YEATS2: variants seen among roughly 807,000 people sequenced by gnomAD.
YEATS2 encodes the protein YEATS domain-containing protein 2.
Under a neutral mutation model 163.2 loss-of-function variants are expected in YEATS2, and 77 were observed. The observed-to-expected ratio is 0.47, with a 90% CI of 0.39 to 0.57. The LOEUF (loss-of-function observed/expected upper bound fraction) is 0.57. Ranked by LOEUF, YEATS2 falls within the 20% of genes least tolerant of loss-of-function variation. The pLI, the probability that YEATS2 is intolerant of heterozygous loss-of-function variation, is 0.00. For synonymous variants in YEATS2, 631 were observed against 645.1 expected (o/e 0.98, Z 0.33); for missense variants, 1,549 against 1,729.8 (o/e 0.90, Z 1.85).
chr3:183,762,235 C>A lies in YEATS2; in HGVS notation c.1903C>A (p.Pro635Thr), dbSNP rs557324797. Residue 635 changes from proline to threonine, a missense_variant, in exon 15 of 31, where the codon CCT becomes ACT. Transcript: ENST00000305135. ...AVSPQKQVIT[P>T]GEGIAQSAKV... ...GTCCCCTCAAAAACAGGTCATAACT[C>A]CTGGAGAAGGGATTGCCCAGTCAGC... is the stretch of plus-strand genomic sequence containing the variant. 135 of 1,611,376 alleles carry A rather than the reference C, an allele frequency of 8.4e-5. 1 individual carries two copies. In the South Asian group the frequency reaches 1.3e-3, roughly 16 times the overall value.
chr3:183,705,748 C>T (rs1487096711), intron 1 of YEATS2, among the ~76,000 whole-genome samples: 1 of 151,998 alleles, frequency 6.6e-6, no homozygotes, highest in East Asian at 1.9e-4. Flanking sequence ...TTAGTTAATC[C>T]TTCATTTATG....
intron 6 of YEATS2, among the ~76,000 whole-genome samples, chr3:183,725,406 A>G (rs1247549186): frequency 1.3e-5 from 2 of 152,184 alleles, no homozygotes; most frequent in African/African-American, 2.4e-5. Flanking sequence ...TTGCCATTGT[A>G]TTAGTCTGTT....
intron 21 of YEATS2, chr3:183,793,413 T>C: frequency 9.8e-7 from 1 of 1,022,972 alleles, no homozygotes; most frequent in South Asian, 3.8e-5. Context: ...TGTTCTCTAC[T>C]AACTGTTTTA....
chr3:183,754,102 G>T (rs140635077), intron 10 of YEATS2, 24 bp from the exon 11 acceptor site: 4 of 1,511,796 alleles, frequency 2.6e-6, no homozygotes, highest in Non-Finnish European at 3.6e-6. Flanking sequence ...ATGACTTGCC[G>T]TTTGCCTCTT....
chr3:183,785,488 CA>C (rs146941322), intron 19 of YEATS2, among the ~76,000 whole-genome samples: 1,175 of 52,280 alleles, frequency 0.022, 4 homozygotes, highest in African/African-American at 0.036. Flanking sequence ...GACTCTGTCT[CA>C]AAAAAAAAAA....
chr3:183,737,287 T>C (rs548651622), intron 8 of YEATS2, among the ~76,000 whole-genome samples: 1 of 152,270 alleles, frequency 6.6e-6, no homozygotes, highest in Non-Finnish European at 1.5e-5. Context: ...TTCAAACCCA[T>C]GTTCAAAGGT....
intron 21 of YEATS2, among the ~76,000 whole-genome samples, chr3:183,796,924 T>G (rs1037419993): frequency 6.6e-6 from 1 of 152,102 alleles, no homozygotes; most frequent in Non-Finnish European, 1.5e-5. Flanking sequence ...TTCATGGTTG[T>G]GGGACGAGGA....
chr3:183,803,383 C>A (rs372674239), intron 26 of YEATS2, 48 bp downstream of exon 26: 1 of 1,509,538 alleles, frequency 6.6e-7, no homozygotes, highest in East Asian at 2.3e-5. Context: ...GAAACCTTGT[C>A]TTATGGAACA....
At chr3:183,716,910 C>CTT (rs752181366) in intron 2 of YEATS2, among the ~76,000 whole-genome samples, 2 of 142,716 alleles carry the variant, frequency 1.4e-5, no homozygotes, top group Non-Finnish European at 3.1e-5. Context: ...TTGTTTGTGT[C>CTT]TTTTTTTTTT....
intron 1 of YEATS2, among the ~76,000 whole-genome samples, chr3:183,714,913 CT>C (rs999638925): frequency 2.3e-3 from 319 of 139,956 alleles, no homozygotes; most frequent in Non-Finnish European, 2.1e-3. Flanking sequence ...ATTATGATTT[CT>C]TTTTTTTTTT....
At chr3:183,747,779 T>C in intron 9 of YEATS2, 63 bp downstream of exon 9, 1 of 1,436,308 alleles carries the variant, frequency 7.0e-7, no homozygotes, top group Non-Finnish European at 9.7e-7. Flanking sequence ...CTTCATTTTT[T>C]GTTTGTTTGT....
chr3:183,782,841 C>CT (rs879816430), intron 19 of YEATS2, among the ~76,000 whole-genome samples: 2,206 of 152,206 alleles, frequency 0.014, 72 homozygotes, highest in East Asian at 0.14. Flanking sequence ...AATATTCTTA[C>CT]ACAGATATTT....
chr3:183,778,829 T>C (rs963292080), intron 19 of YEATS2, among the ~76,000 whole-genome samples: 9 of 152,198 alleles, frequency 5.9e-5, no homozygotes, highest in African/African-American at 1.9e-4. Flanking sequence ...TAATTGAATA[T>C]ACCTGTAAAA....
At chr3:183,776,872 A>G (rs1723050797) in intron 18 of YEATS2, among the ~76,000 whole-genome samples, 1 of 151,994 alleles carries the variant, frequency 6.6e-6, no homozygotes, top group South Asian at 2.1e-4. Context: ...GAATCACTTG[A>G]ACCCGGGAGG....
At chr3:183,775,764 G>A (rs1470825474) in intron 17 of YEATS2, 151 bp from the exon 18 acceptor site, 14 of 1,142,600 alleles carry the variant, frequency 1.2e-5, no homozygotes, top group Non-Finnish European at 1.7e-5. Flanking sequence ...TCTTGTCACA[G>A]GGTAGGTAGA....
intron 16 of YEATS2, 23 bp downstream of exon 16, chr3:183,772,586 G>T (rs373147258): frequency 2.0e-5 from 33 of 1,610,166 alleles, no homozygotes; most frequent in Non-Finnish European, 2.5e-5. Flanking sequence ...ATCACTGGGA[G>T]CCCTTTCAGC....
chr3:183,800,419 C>T, intron 23 of YEATS2, 47 bp from the exon 24 acceptor site: 1 of 1,435,314 alleles, frequency 7.0e-7, no homozygotes, highest in Non-Finnish European at 9.7e-7. Flanking sequence ...CGTGTCCTTC[C>T]ACCACTGACC....
intron 17 of YEATS2, among the ~76,000 whole-genome samples, chr3:183,774,335 G>C (rs897382825): frequency 6.6e-6 from 1 of 152,124 alleles, no homozygotes; most frequent in Admixed American, 6.5e-5. Context: ...GTTGAGAACT[G>C]TGCATGCGAG....
intron 30 of YEATS2, 91 bp downstream of exon 30, chr3:183,809,261 TC>T: frequency 2.3e-6 from 3 of 1,301,766 alleles, no homozygotes; most frequent in Middle Eastern, 2.3e-4. Context: ...CTTACATCAA[TC>T]CAGTAGGAGA....
Sources: gnomAD v4.1 joint callset for allele counts (sites outside exome capture counted in the v4.1 genomes callset) on GRCh38, gnomAD v4.1.1 for gene constraint, MANE v1.5 for transcripts, NCBI Gene and HGNC (gene_info 2026-07-23, HGNC 2026-07-21) for gene names.